Variants in CSMD2 observed in about 807,000 individuals in gnomAD.
CSMD2 encodes the protein CUB and Sushi multiple domains 2.
A neutral mutation model predicts 398.5 loss-of-function variants in CSMD2; 130 were observed. The ratio of observed to expected loss-of-function variants is 0.33; its 90% CI spans 0.28 to 0.38. CSMD2 has a LOEUF of 0.38. Among genes scored for constraint, CSMD2 ranks in the 10% least tolerant of loss-of-function variants. The pLI, the probability that CSMD2 is intolerant of heterozygous loss-of-function variation, is 1.00. For missense variants in CSMD2, 3,829 were observed against 4,764.9 expected (o/e 0.80, Z 5.78); for synonymous variants, 1,828 against 1,908.5 (o/e 0.96, Z 1.10).
intron 4 of CSMD2, among the ~76,000 whole-genome samples, chr1:33,930,069 G>A (rs1011861988): frequency 6.6e-6 from 1 of 152,182 alleles, no homozygotes; most frequent in Non-Finnish European, 1.5e-5. Flanking sequence ...AAGAGATCAT[G>A]GAATTTGGTC....
chr1:33,962,026 A>G (rs1175130802), intron 3 of CSMD2, among the ~76,000 whole-genome samples: 2 of 152,212 alleles, frequency 1.3e-5, no homozygotes, highest in Admixed American at 1.3e-4. Context: ...CATGTCACAG[A>G]CACTGGCACC....
rs1647136239 is a variant in CSMD2 at position 33,743,078 on chromosome 1, A to C, written c.2173+202T>G. On this transcript the variant is annotated intron_variant, in intron 14 of 70. Coordinates refer to ENST00000373381, the MANE Select transcript of CSMD2 (RefSeq NM_001281956.2). ...ATGCCCTTCAGAGAGGGACTTCCAG[A>C]AAAGAGCACCCTGCCTGGCAGCCAG... Among the ~76,000 whole-genome samples the C allele has an allele frequency of 2.0e-5, 3 of 152,316 alleles. No homozygotes were observed. The South Asian group carries it at 6.2e-4, about 32-fold the overall frequency.
chr1:34,029,955 C>T (rs1418015388), intron 3 of CSMD2, among the ~76,000 whole-genome samples: 1 of 152,190 alleles, frequency 6.6e-6, no homozygotes, highest in African/African-American at 2.4e-5. Context: ...TCACCTGTGC[C>T]AGGCAGGTGG....
At chr1:33,652,573 T>C (rs1643819249) in intron 27 of CSMD2, 112 bp from the exon 28 acceptor site, 5 of 1,273,508 alleles carry the variant, frequency 3.9e-6, no homozygotes, top group Non-Finnish European at 5.5e-6. Flanking sequence ...CAGGCTGAAG[T>C]TGAACCTGGC....
intron 5 of CSMD2, among the ~76,000 whole-genome samples, chr1:33,866,491 C>A (rs145449005): frequency 2.6e-5 from 4 of 152,232 alleles, no homozygotes; most frequent in African/African-American, 9.6e-5. Flanking sequence ...ATTCCCGTTC[C>A]GCATTCCCCA....
At chr1:33,609,035 G>C (rs1262769408) in intron 41 of CSMD2, among the ~76,000 whole-genome samples, 1 of 152,194 alleles carries the variant, frequency 6.6e-6, no homozygotes. Flanking sequence ...ACACCTCCCA[G>C]ATAATAGGCA....
chr1:33,973,729 C>T (rs139484524), intron 3 of CSMD2, among the ~76,000 whole-genome samples: 2,211 of 152,250 alleles, frequency 0.015, 35 homozygotes, highest in Non-Finnish European at 0.02. Flanking sequence ...GACTCCTACA[C>T]GAGAAGGAAG....
chr1:34,083,320 G>A (rs1657483869), intron 2 of CSMD2, among the ~76,000 whole-genome samples: 1 of 152,156 alleles, frequency 6.6e-6, no homozygotes. Flanking sequence ...CTCGCTCTTT[G>A]TCACTCTCTG....
In CSMD2 at chr1:33,895,954, C is replaced by T. The variant is rs544093197; in HGVS notation, c.920+22140G>A. ...CTTGACCCAGTCCCTGATGAGATAC[C>T]GTCATCTCCTCCAAGACGGAAGCAG... On this transcript the variant is annotated intron_variant, in intron 5 of 70. Transcript: ENST00000373381. 1.1e-4 allele frequency among the ~76,000 whole-genome samples: 16 copies of T among 152,240 alleles called. No individual in the cohort carries two copies. The East Asian group carries it at 2.1e-3, about 20-fold the overall frequency.
At chr1:33,955,428 A>G (rs1378876853) in intron 3 of CSMD2, among the ~76,000 whole-genome samples, 1 of 152,100 alleles carries the variant, frequency 6.6e-6, no homozygotes, top group Non-Finnish European at 1.5e-5. Flanking sequence ...AGTTGGCCCA[A>G]AAAATAGAAC....
intron 3 of CSMD2, among the ~76,000 whole-genome samples, chr1:34,002,523 T>C (rs1368967498): frequency 6.6e-6 from 1 of 152,172 alleles, no homozygotes; most frequent in Non-Finnish European, 1.5e-5. Flanking sequence ...GTGGGGTATA[T>C]GCAAAAAAAT....
At chr1:33,831,121 G>A (rs1659497793) in intron 6 of CSMD2, among the ~76,000 whole-genome samples, 1 of 151,978 alleles carries the variant, frequency 6.6e-6, no homozygotes, top group Admixed American at 6.6e-5. Context: ...CTCCAATCTA[G>A]CAAGGCAGGC....
intron 12 of CSMD2, among the ~76,000 whole-genome samples, chr1:33,774,170 AG>A (rs1412267055): frequency 6.6e-6 from 1 of 150,696 alleles, no homozygotes; most frequent in Non-Finnish European, 1.5e-5. Context: ...TTGAACAACA[AG>A]GGTCCTCCCC....
chr1:34,075,162 T>C (rs936517868), intron 2 of CSMD2, among the ~76,000 whole-genome samples: 2 of 152,234 alleles, frequency 1.3e-5, no homozygotes, highest in African/African-American at 2.4e-5. Flanking sequence ...TGGAACATAA[T>C]AGCCGTTCAG....
chr1:33,643,805 A>G (rs574302114), intron 29 of CSMD2, among the ~76,000 whole-genome samples: 1 of 152,172 alleles, frequency 6.6e-6, no homozygotes, highest in Admixed American at 6.5e-5. Flanking sequence ...AGGGGTCCCT[A>G]GGTTCCACCA....
intron 3 of CSMD2, among the ~76,000 whole-genome samples, chr1:34,020,821 G>A (rs534695580): frequency 3.2e-4 from 49 of 152,216 alleles, no homozygotes; most frequent in Middle Eastern, 3.4e-3. Flanking sequence ...CTGCATTGCT[G>A]AGCATGTCGA....
At chr1:33,526,635 A>G (rs1654798816) in intron 65 of CSMD2, among the ~76,000 whole-genome samples, 1 of 152,268 alleles carries the variant, frequency 6.6e-6, no homozygotes, top group Non-Finnish European at 1.5e-5. Flanking sequence ...ACAGCTGGTC[A>G]GTGACCAAAA....
Position 33,525,002 on chromosome 1 carries a change from C to A in CSMD2, c.10276G>T (p.Ala3426Ser), listed in dbSNP as rs1001211833. 1 of 1,614,200 alleles carries A rather than the reference C, an allele frequency of 6.2e-7. No individual in the cohort carries two copies. Among genetic ancestry groups the A allele is most frequent in the Non-Finnish European group, 8.5e-7 (1 of 1,180,026 alleles). Residue 3426 changes from alanine (A) to serine (S), a missense_variant, in exon 66 of 71, where the codon GCC becomes TCC. Transcript: ENST00000373381. ...TGCTTCTTCCCCTGGTATTCATAGGCCCCTTTCCACAGGGAATTCTTGGCA... is the reference window on the plus strand; with the variant it reads ...TGCTTCTTCCCCTGGTATTCATAGGACCCTTTCCACAGGGAATTCTTGGCA... The part of the protein sequence containing the change: ...VFAKNSLWKG[A>S]YEYQGKKQPA...
rs148749023 is a variant in CSMD2, at chr1:34,030,011, T to C, written c.517+2583A>G. Among the ~76,000 whole-genome samples, 67 of 152,262 alleles carry C rather than the reference T, an allele frequency of 4.4e-4. 1 individual carries two copies. In the East Asian group the frequency reaches 7.2e-3, roughly 16 times the overall value. On this transcript the variant is annotated intron_variant, in intron 3 of 70. Coordinates refer to ENST00000373381, the MANE Select transcript of CSMD2 (RefSeq NM_001281956.2). ...CTAATTTATCCCTAATGTTTTGCAA[T>C]CTCTTTTGAATCACCGGCCTCTTTG...
Sources: gnomAD v4.1 joint callset for allele counts (sites outside exome capture counted in the v4.1 genomes callset) on GRCh38, gnomAD v4.1.1 for gene constraint, MANE v1.5 for transcripts, NCBI Gene and HGNC (gene_info 2026-07-23, HGNC 2026-07-21) for gene names.